COL8A1: variants seen among roughly 807,000 people sequenced by gnomAD.
The protein encoded by COL8A1 is collagen alpha-1(VIII) chain.
Under a neutral mutation model 42.7 loss-of-function variants are expected in COL8A1, and 21 were observed. The ratio of observed to expected loss-of-function variants is 0.49; its 90% confidence interval spans 0.35 to 0.71. The LOEUF (loss-of-function observed/expected upper bound fraction) is 0.71. COL8A1 is among the 30% of genes least tolerant of loss of function. The probability of loss-of-function intolerance (pLI) is 0.01; values close to 1 mark genes in which losing one functional copy is unlikely to be tolerated. For synonymous variants in COL8A1, 367 were observed against 369.1 expected, an observed-to-expected ratio of 0.99 and a Z score of 0.06; for missense variants, 788 against 962.4, an observed-to-expected ratio of 0.82 and a Z score of 2.40.
intron 1 of COL8A1, among the ~76,000 whole-genome samples, chr3:99,656,006 G>A (rs952134626): frequency 6.6e-6 from 1 of 152,200 alleles, no homozygotes; most frequent in Non-Finnish European, 1.5e-5. Flanking sequence ...ACAAATAGTT[G>A]TACGATTTGA....
At chr3:99,695,271 C>T (rs1293777694) in intron 1 of COL8A1, among the ~76,000 whole-genome samples, 1 of 151,972 alleles carries the variant, frequency 6.6e-6, no homozygotes, top group East Asian at 1.9e-4. Context: ...TAGTAGTCCC[C>T]ACAAAACATG....
chr3:99,694,390 C>T (rs1026810055), intron 1 of COL8A1, among the ~76,000 whole-genome samples: 1 of 151,844 alleles, frequency 6.6e-6, no homozygotes, highest in African/African-American at 2.4e-5. Flanking sequence ...GCAAGAGAAT[C>T]ACTTGAACCT....
At chr3:99,773,840 T>TA (rs1941638703) in intron 2 of COL8A1, among the ~76,000 whole-genome samples, 2 of 95,558 alleles carry the variant, frequency 2.1e-5, no homozygotes, top group Non-Finnish European at 4.1e-5. Context: ...TATATATATT[T>TA]TTTTTTTTTT....
At chr3:99,669,851 C>G (rs1467294940) in intron 1 of COL8A1, among the ~76,000 whole-genome samples, 1 of 151,988 alleles carries the variant, frequency 6.6e-6, no homozygotes, top group Non-Finnish European at 1.5e-5. Flanking sequence ...GATCCCTGCT[C>G]TTTGAGGGGT....
At chr3:99,682,309 C>T (rs995471698) in intron 1 of COL8A1, among the ~76,000 whole-genome samples, 3 of 152,046 alleles carry the variant, frequency 2.0e-5, no homozygotes, top group Admixed American at 6.5e-5. Context: ...CCCAGCTACT[C>T]GGGAGTCTGA....
At chr3:99,701,745 A>T (rs1939546176) in intron 1 of COL8A1, among the ~76,000 whole-genome samples, 1 of 152,226 alleles carries the variant, frequency 6.6e-6, no homozygotes, top group African/African-American at 2.4e-5. Context: ...CTGGAAGATC[A>T]TCCTCCATGC....
In COL8A1 at chr3:99,651,762, T is replaced by C. The variant is rs1937855753; in HGVS notation, c.-129+13098T>C. ...GATGTCAGAGGTCGGCCACCCTACG[T>C]GCTTTCCTTCTGACTCAGCACAGAG... On this transcript the variant is annotated intron_variant, in intron 1 of 3. Coordinates refer to ENST00000652472, the MANE Select transcript of COL8A1 (RefSeq NM_020351.4). Among the ~76,000 whole-genome samples, 4 of 152,236 alleles carry C rather than the reference T, an allele frequency of 2.6e-5. No homozygotes were observed. The South Asian group carries it at 6.2e-4, about 24-fold the overall frequency.
intron 2 of COL8A1, among the ~76,000 whole-genome samples, chr3:99,775,211 C>T (rs1395421012): frequency 6.6e-6 from 1 of 152,158 alleles, no homozygotes; most frequent in Non-Finnish European, 1.5e-5. Context: ...ACCTGGGCTC[C>T]AGTCTCTCCT....
intron 1 of COL8A1, among the ~76,000 whole-genome samples, chr3:99,658,662 G>A (rs552692393): frequency 6.6e-6 from 1 of 152,308 alleles, no homozygotes; most frequent in East Asian, 1.9e-4. Context: ...ATGATATTCA[G>A]AGAAGCAGAT....
chr3:99,669,753 C>T (rs1174788928), intron 1 of COL8A1, among the ~76,000 whole-genome samples: 2 of 151,900 alleles, frequency 1.3e-5, no homozygotes, highest in African/African-American at 2.4e-5. Context: ...CTAAAGAGAT[C>T]GACAGAGGGA....
chr3:99,699,811 A>G (rs1939482811), intron 1 of COL8A1, among the ~76,000 whole-genome samples: 1 of 152,204 alleles, frequency 6.6e-6, no homozygotes, highest in Non-Finnish European at 1.5e-5. Context: ...TCACATACAC[A>G]TACACATACA....
chr3:99,646,801 G>A (rs140565346), intron 1 of COL8A1, among the ~76,000 whole-genome samples: 46 of 152,262 alleles, frequency 3.0e-4, no homozygotes, highest in African/African-American at 1.1e-3. Context: ...TTAGAAAATG[G>A]CTTAAAGAGT....
chr3:99,735,860 T>A (rs973240968), intron 1 of COL8A1, among the ~76,000 whole-genome samples: 1 of 152,152 alleles, frequency 6.6e-6, no homozygotes, highest in Non-Finnish European at 1.5e-5. Flanking sequence ...AGATTCAACT[T>A]CTTCCTGGTT....
At chr3:99,755,473 C>T (rs1179600160) in intron 2 of COL8A1, among the ~76,000 whole-genome samples, 1 of 152,074 alleles carries the variant, frequency 6.6e-6, no homozygotes, top group East Asian at 1.9e-4. Flanking sequence ...GGCAAAAATG[C>T]CATTCTACCC....
chr3:99,736,381 CT>C (rs139446673), intron 1 of COL8A1, among the ~76,000 whole-genome samples: 169 of 149,266 alleles, frequency 1.1e-3, no homozygotes, highest in East Asian at 7.8e-3. Flanking sequence ...CAAAGAACAT[CT>C]TTTTTTTTTA....
intron 1 of COL8A1, among the ~76,000 whole-genome samples, chr3:99,673,014 C>T (rs184662034): frequency 6.9e-4 from 105 of 152,128 alleles, no homozygotes; most frequent in South Asian, 1.5e-3. Flanking sequence ...GGAAGATCAT[C>T]TCTTTCCATT....
intron 1 of COL8A1, among the ~76,000 whole-genome samples, chr3:99,705,422 C>A (rs548114201): frequency 6.6e-6 from 1 of 152,284 alleles, no homozygotes; most frequent in South Asian, 2.1e-4. Flanking sequence ...TATTTGTATT[C>A]TTTCTCTATT....
At chr3:99,784,772 A>G (rs530215525) in intron 2 of COL8A1, among the ~76,000 whole-genome samples, 1 of 152,324 alleles carries the variant, frequency 6.6e-6, no homozygotes, top group African/African-American at 2.4e-5. Flanking sequence ...AAGCATCATT[A>G]TGCACCTCAT....
chr3:99,764,682 TC>T (rs1322808192), intron 2 of COL8A1, among the ~76,000 whole-genome samples: 55 of 38,470 alleles, frequency 1.4e-3, no homozygotes, highest in South Asian at 2.7e-3. Flanking sequence ...GGCAGATTTT[TC>T]TTTTTTTTCT....
Sources: gnomAD v4.1 joint callset for allele counts (sites outside exome capture counted in the v4.1 genomes callset) on GRCh38, gnomAD v4.1.1 for gene constraint, MANE v1.5 for transcripts, NCBI Gene and HGNC (gene_info 2026-07-23, HGNC 2026-07-21) for gene names.